Variants in PKN2 observed in about 807,000 individuals in gnomAD.
PKN2 encodes the protein protein kinase N2, also known as serine/threonine-protein kinase N2.
PKN2 carries 38 observed loss-of-function variants against 119.1 expected under a neutral mutation model. That is an observed-to-expected ratio of 0.32 (90% CI 0.25 to 0.42). The LOEUF is 0.42. PKN2 is among the 10% of genes least tolerant of loss of function. The pLI is 1.00. For synonymous variants in PKN2, 390 were observed against 384.9 expected (o/e 1.01, Z -0.15); for missense variants, 850 against 1,165.1 (o/e 0.73, Z 3.94).
chr1:88,823,499 C>T (rs1672374107), intron 17 of PKN2, among the ~76,000 whole-genome samples: 1 of 151,778 alleles, frequency 6.6e-6, no homozygotes, highest in South Asian at 2.1e-4. Flanking sequence ...GTCAGGAGTT[C>T]AAGACCAGCC....
chr1:88,769,951 C>T (rs1669815155), intron 3 of PKN2, among the ~76,000 whole-genome samples: 1 of 152,078 alleles, frequency 6.6e-6, no homozygotes, highest in East Asian at 1.9e-4. Context: ...ATTTTAGGTA[C>T]ACATAAACAT....
At chr1:88,779,646 T>C (rs1350634351) in intron 6 of PKN2, among the ~76,000 whole-genome samples, 1 of 152,210 alleles carries the variant, frequency 6.6e-6, no homozygotes, top group Non-Finnish European at 1.5e-5. Flanking sequence ...AATTTTCTTA[T>C]AAATATTAAT....
rs559447625 is a variant in PKN2 at position 88,807,576 on chromosome 1, C to T, written c.1982C>T (p.Ala661Val). ...QFNLQDFRCCAVLGRGHFGKV... is the reference protein window; with the variant it reads ...QFNLQDFRCCVVLGRGHFGKV... ...AATCTACAAGATTTCAGGTGTTGTGCTGTCTTGGGAAGAGGACATTTTGGA... is the reference window on the plus strand; with the variant it reads ...AATCTACAAGATTTCAGGTGTTGTGTTGTCTTGGGAAGAGGACATTTTGGA... Residue 661 changes from alanine to valine, a missense_variant, in exon 14 of 22, where the codon GCT becomes GTT. Ala to Val is a moderately conservative substitution (Grantham distance 64). Around this residue, in one of 9 missense-constraint regions of PKN2, gnomAD observed 216 missense variants for 252.8 expected, o/e 0.85. Coordinates refer to ENST00000370521, the MANE Select transcript of PKN2 (RefSeq NM_006256.4). The T allele has an allele frequency of 3.7e-6, 6 of 1,612,212 alleles. No homozygotes were observed. In the African/African-American group the frequency reaches 8.0e-5, roughly 22 times the overall value.
intron 1 of PKN2, among the ~76,000 whole-genome samples, chr1:88,688,088 CT>C (rs35476552): frequency 0.99 from 145,429 of 147,308 alleles, 71,791 homozygotes; most frequent in East Asian, 1. Context: ...CTACACTATT[CT>C]TTTTTTTTTT....
chr1:88,820,233 T>TAA (rs1288643484), intron 16 of PKN2, among the ~76,000 whole-genome samples: 36 of 52,698 alleles, frequency 6.8e-4, no homozygotes, highest in Non-Finnish European at 1.1e-3. Flanking sequence ...TATATATATA[T>TAA]AAATAGAAAA....
chr1:88,785,126 G>A (rs1390141079), intron 7 of PKN2, among the ~76,000 whole-genome samples: 9 of 152,132 alleles, frequency 5.9e-5, no homozygotes, highest in Admixed American at 3.3e-4. Flanking sequence ...TTGTAGAATC[G>A]TATCTTGATT....
intron 6 of PKN2, among the ~76,000 whole-genome samples, chr1:88,772,929 T>G (rs1199303023): frequency 6.6e-6 from 1 of 152,328 alleles, no homozygotes; most frequent in East Asian, 1.9e-4. Flanking sequence ...TAGAACTGTC[T>G]GTATTTCTCC....
At chr1:88,708,566 A>G (rs973241339) in intron 1 of PKN2, among the ~76,000 whole-genome samples, 2 of 151,966 alleles carry the variant, frequency 1.3e-5, no homozygotes, top group Non-Finnish European at 2.9e-5. Context: ...TTGATGAGAA[A>G]TGAAGTGTAT....
intron 6 of PKN2, among the ~76,000 whole-genome samples, chr1:88,774,580 A>G (rs1051311576): frequency 6.6e-6 from 1 of 152,058 alleles, no homozygotes; most frequent in African/African-American, 2.4e-5. Flanking sequence ...AAACCAGCCA[A>G]ATTATATACA....
chr1:88,835,847 G>A lies in PKN2; in HGVS notation c.*2399G>A, dbSNP rs1198666907. On this transcript the variant is annotated 3_prime_UTR_variant, in exon 22 of 22. Transcript: ENST00000370521. Reference sequence around the variant, plus strand: ...TCTTTCCTTTTAGAAACTTCCTAATGATTAAAATATACTTTAACTTTTCTG... The same window carrying A: ...TCTTTCCTTTTAGAAACTTCCTAATAATTAAAATATACTTTAACTTTTCTG... The A allele has an allele frequency of 3.3e-5, 5 of 152,200 alleles. No individual in the cohort carries two copies. The highest frequency in any genetic ancestry group is 7.4e-5 in the Non-Finnish European group (5 of 67,902). 9.4% of individuals were successfully genotyped at this position (152,200 alleles called of 1,614,324 possible). A position where few individuals can be genotyped will look rare whatever the true frequency, so the allele number is the denominator to read the frequency against.
chr1:88,690,415 A>G (rs1666286651), intron 1 of PKN2, among the ~76,000 whole-genome samples: 1 of 152,238 alleles, frequency 6.6e-6, no homozygotes, highest in Non-Finnish European at 1.5e-5. Context: ...CTGTGCTGAT[A>G]ATTGTCAAAT....
At chr1:88,731,608 G>A (rs1668145360) in intron 1 of PKN2, among the ~76,000 whole-genome samples, 1 of 152,166 alleles carries the variant, frequency 6.6e-6, no homozygotes, top group Non-Finnish European at 1.5e-5. Context: ...AGACTAAATG[G>A]TTTTTGAAAT....
At chr1:88,760,677 G>T (rs919413706) in intron 3 of PKN2, among the ~76,000 whole-genome samples, 6 of 151,812 alleles carry the variant, frequency 4.0e-5, no homozygotes, top group African/African-American at 1.5e-4. Context: ...CTTTTAATTG[G>T]TAATTTCACT....
At chr1:88,829,225 G>C (rs781131455) in intron 19 of PKN2, 2 of 719,384 alleles carry the variant, frequency 2.8e-6, no homozygotes, top group African/African-American at 1.7e-5. Flanking sequence ...ACATCAGCAC[G>C]ATAAAAGCCA....
At chr1:88,734,963 A>T (rs1668278968) in intron 1 of PKN2, among the ~76,000 whole-genome samples, 1 of 110,446 alleles carries the variant, frequency 9.1e-6, no homozygotes, top group South Asian at 4.1e-4. Context: ...CTCTTGGCAA[A>T]TTAAAATAGT....
At chr1:88,828,989 G>A in intron 19 of PKN2, 1 of 638,092 alleles carries the variant, frequency 1.6e-6, no homozygotes, top group Non-Finnish European at 3.0e-6. Context: ...AGAAATAAAT[G>A]TTACCTTCGA....
At chr1:88,785,111 C>T (rs1037418230) in intron 7 of PKN2, among the ~76,000 whole-genome samples, 1 of 152,042 alleles carries the variant, frequency 6.6e-6, no homozygotes, top group African/African-American at 2.4e-5. Context: ...TGAGACTGGT[C>T]CTTCTTGTAG....
chr1:88,804,585 T>C, intron 9 of PKN2, 51 bp downstream of exon 9: 1 of 1,518,958 alleles, frequency 6.6e-7, no homozygotes, highest in African/African-American at 1.4e-5. Context: ...AAATTACATA[T>C]GTAGGCAGCA....
intron 1 of PKN2, among the ~76,000 whole-genome samples, chr1:88,728,587 T>C (rs904132198): frequency 6.6e-6 from 1 of 152,184 alleles, no homozygotes; most frequent in African/African-American, 2.4e-5. Flanking sequence ...GATAACCATA[T>C]AACTACTGTA....
Sources: allele counts gnomAD v4.1 joint callset (sites outside exome capture counted in the v4.1 genomes callset), GRCh38; gene constraint gnomAD v4.1.1; regional missense constraint gnomAD v4.1.1; transcripts MANE v1.5; gene names NCBI Gene and HGNC (gene_info 2026-07-23, HGNC 2026-07-21).